RPL28: variants seen among roughly 807,000 people sequenced by gnomAD.
The protein encoded by RPL28 is ribosomal protein L28, also known as large ribosomal subunit protein eL28.
A neutral mutation model predicts 12.5 loss-of-function variants in RPL28; 4 were observed. The observed-to-expected ratio is 0.32, with a 90% CI of 0.16 to 0.73. The LOEUF (loss-of-function observed/expected upper bound fraction) is 0.73, where lower values mean the gene tolerates loss of function less well. RPL28 is among the 30% of genes least tolerant of loss of function. The pLI is 0.66. For synonymous variants in RPL28, 91 were observed against 72.5 expected (o/e 1.26, Z -1.30); for missense variants, 214 against 197.7 (o/e 1.08, Z -0.49).
At chr19:55,386,931 C>T (rs1600301295) in intron 3 of RPL28, 1 of 1,475,104 alleles carries the variant, frequency 6.8e-7, no homozygotes, top group South Asian at 1.3e-5. Context: ...CCTGAACTTC[C>T]TCGGTGGTTG....
At chr19:55,386,287 C>T (rs2089923653) in intron 1 of RPL28, 63 bp from the exon 2 acceptor site, 3 of 1,486,628 alleles carry the variant, frequency 2.0e-6, no homozygotes, top group South Asian at 1.2e-5. Flanking sequence ...GAGCGTGGCC[C>T]GTGGCCTAAC....
chr19:55,390,641 C>G lies in RPL28; in HGVS notation c.*2309C>G. 2 of 985,606 alleles carry G rather than the reference C, an allele frequency of 2.0e-6. No homozygotes were observed. The highest frequency in any genetic ancestry group is 2.4e-6 in the Non-Finnish European group (2 of 830,044). The allele number at this position is 985,606 out of a possible 1,614,324, so 61.1% of individuals were successfully genotyped here. A position where few individuals can be genotyped will look rare whatever the true frequency, so the allele number is the denominator to read the frequency against. Reference sequence around the variant, plus strand: ...CTGAATCCTCCCTGCTGTGTGGCCTCCCCTGGTCTCATCCGTAACACAGCC... The same window carrying G: ...CTGAATCCTCCCTGCTGTGTGGCCTGCCCTGGTCTCATCCGTAACACAGCC... On this transcript the variant is annotated 3_prime_UTR_variant, in exon 5 of 5. Transcript: ENST00000344063.
Position 55,387,979 on chromosome 19 carries a change from T to C in RPL28, c.255T>C (p.Asn85=). The change falls in exon 4 of 5, where the codon AAT becomes AAC. Residue 85 remains asparagine (N), a synonymous_variant. Coordinates refer to ENST00000344063, the MANE Select transcript of RPL28 (RefSeq NM_000991.5). The part of the protein sequence containing the change: ...TSYVRTTINK[N]ARATLSSIRH... ...ATGTGCGGACCACCATCAACAAGAATGCTCGCGCCACGCTCAGCAGCATCA... is the reference window on the plus strand; with the variant it reads ...ATGTGCGGACCACCATCAACAAGAACGCTCGCGCCACGCTCAGCAGCATCA... The C allele has an allele frequency of 1.9e-6, 3 of 1,608,888 alleles. No individual in the cohort carries two copies. Among genetic ancestry groups the C allele is most frequent in the Non-Finnish European group, 2.5e-6 (3 of 1,177,610 alleles).
chr19:55,400,315 C>T (rs545086505), intron 4 of RPL28: 5 of 152,154 alleles, frequency 3.3e-5, no homozygotes, highest in Non-Finnish European at 7.3e-5. Context: ...TTGCGCCTGG[C>T]CTATTTTTAA....
chr19:55,389,789 G>C lies in RPL28; in HGVS notation c.*1457G>C, dbSNP rs1013818259. The C allele has an allele frequency of 2.0e-6, 2 of 985,370 alleles. No individual in the cohort carries two copies. Among genetic ancestry groups the C allele is most frequent in the African/African-American group, 3.5e-5 (2 of 57,206 alleles). The allele number at this position is 985,370 out of a possible 1,614,324, so 61.0% of individuals were successfully genotyped here. A position where few individuals can be genotyped will look rare whatever the true frequency, so the allele number is the denominator to read the frequency against. On this transcript the variant is annotated 3_prime_UTR_variant, in exon 5 of 5. Coordinates refer to ENST00000344063, the MANE Select transcript of RPL28 (RefSeq NM_000991.5). ...TTGAGAGGTGTTGCCTTAAAACTGAGTTGGGTGACTTGGTACCTGCTCAGG... is the reference window on the plus strand; with the variant it reads ...TTGAGAGGTGTTGCCTTAAAACTGACTTGGGTGACTTGGTACCTGCTCAGG...
In RPL28 at chr19:55,391,725, G is replaced by T; in HGVS notation, c.*3393G>T. ...AAATGTGCAAAACCTGCTTGACTGTGCCCACAAATCCTGATTGTAGGAATA... is the reference window on the plus strand; with the variant it reads ...AAATGTGCAAAACCTGCTTGACTGTTCCCACAAATCCTGATTGTAGGAATA... On this transcript the variant is annotated 3_prime_UTR_variant, in exon 5 of 5. Coordinates refer to ENST00000344063, the MANE Select transcript of RPL28 (RefSeq NM_000991.5). 4 of 1,514,508 alleles carry T rather than the reference G, an allele frequency of 2.6e-6. No homozygotes were observed. The highest frequency in any genetic ancestry group is 3.6e-6 in the Non-Finnish European group (4 of 1,118,780). The allele number at this position is 1,514,508 out of a possible 1,614,324, so 93.8% of individuals were successfully genotyped here. A position where few individuals can be genotyped will look rare whatever the true frequency, so the allele number is the denominator to read the frequency against.
At position 55,386,448 on chromosome 19, in the gene RPL28, G is replaced by T; in HGVS notation, c.81+10G>T. On this transcript the variant is annotated intron_variant, in intron 2 of 4. Transcript: ENST00000344063. The stretch of plus-strand genomic sequence containing the variant: ...GCAGACCTACAGCACTGTAAGTGGG[G>T]CCCGGATGCGTGGCTCCTGCGGGAG... 1 of 1,613,506 alleles carries T rather than the reference G, an allele frequency of 6.2e-7. No homozygotes were observed. The highest frequency in any genetic ancestry group is 8.5e-7 in the Non-Finnish European group (1 of 1,179,488).
chr19:55,388,366 C>T lies in RPL28; in HGVS notation c.*34C>T. 1.4e-6 allele frequency: 2 copies of T among 1,454,580 alleles called. No homozygotes were observed. The highest frequency in any genetic ancestry group is 2.9e-5 in the Admixed American group (1 of 34,916). 90.1% of individuals were successfully genotyped at this position (1,454,580 alleles called of 1,614,324 possible). ...CCCCCAGAGCAATAAAGTCAGCTGG[C>T]TTTCTCACCTGCCTCGACTGGGCCT... On this transcript the variant is annotated 3_prime_UTR_variant, in exon 5 of 5. Coordinates refer to ENST00000344063, the MANE Select transcript of RPL28 (RefSeq NM_000991.5).
chr19:55,401,103 T>C, intron 4 of RPL28: 2 of 364,410 alleles, frequency 5.5e-6, no homozygotes, highest in East Asian at 1.1e-4. Flanking sequence ...GTGACCGCTC[T>C]ACCTCCACAG....
Position 55,387,250 on chromosome 19 carries a change from CAT to C in RPL28, c.205+558_205+559del, listed in dbSNP as rs1319831146. Reference sequence around the variant, plus strand: ...TCTCTAATGGAGGAGTCCAGCTTCACATGTGTTCTTGACAGGGCTGTATTTTC... The same window carrying C: ...TCTCTAATGGAGGAGTCCAGCTTCACGTGTTCTTGACAGGGCTGTATTTTC... On this transcript the variant is annotated intron_variant, in intron 3 of 4. Transcript: ENST00000344063. The C allele has an allele frequency of 2.2e-5, 34 of 1,541,084 alleles. No individual in the cohort carries two copies. The African/African-American group carries it at 4.1e-4, about 19-fold the overall frequency.
Position 55,391,512 on chromosome 19 carries a change from A to G in RPL28, c.*3180A>G. ...GAGCGCTGGGGACTCCAGACTCCCC[A>G]CAGCAGCAGAGACTCGGGACTGAGG... On this transcript the variant is annotated 3_prime_UTR_variant, in exon 5 of 5. Transcript: ENST00000344063. 1.4e-6 allele frequency: 2 copies of G among 1,465,920 alleles called. No individual in the cohort carries two copies. Among genetic ancestry groups the G allele is most frequent in the Non-Finnish European group, 1.8e-6 (2 of 1,094,746 alleles). 90.8% of individuals were successfully genotyped at this position (1,465,920 alleles called of 1,614,324 possible). A position where few individuals can be genotyped will look rare whatever the true frequency, so the allele number is the denominator to read the frequency against.
Position 55,401,157 on chromosome 19 carries a change from C to T in RPL28, c.325-1786C>T, listed in dbSNP as rs1600316966. The T allele has an allele frequency of 5.9e-6, 3 of 504,888 alleles. No homozygotes were observed. The East Asian group carries it at 1.1e-4, about 18-fold the overall frequency. 31.3% of individuals were successfully genotyped at this position (504,888 alleles called of 1,614,324 possible). On this transcript the variant is annotated intron_variant, in intron 4 of 4. Transcript: ENST00000560055. ...AACCTCAAACAGCAAGGCTGGTGAG[C>T]TAGATGGACCCACTGCTGCAGTCCA...
intron 3 of RPL28, chr19:55,387,121 C>A: frequency 1.5e-6 from 2 of 1,329,810 alleles, no homozygotes; most frequent in Non-Finnish European, 2.1e-6. Context: ...TCCCATTTTG[C>A]CTGTGTAGGT....
chr19:55,403,156 T>C (rs1204168588), exon 5 of RPL28: 2 of 717,148 alleles, frequency 2.8e-6, no homozygotes, highest in Admixed American at 2.0e-5. Flanking sequence ...CTCCTGACAA[T>C]GCATAATACC....
Position 55,385,970 on chromosome 19 carries a change from G to A in RPL28, c.-9+5G>A, listed in dbSNP as rs988395334. 7.7e-6 allele frequency: 2 copies of A among 259,932 alleles called. No homozygotes were observed. The highest frequency in any genetic ancestry group is 8.3e-5 in the South Asian group (2 of 24,190). 16.1% of individuals were successfully genotyped at this position (259,932 alleles called of 1,614,324 possible). A position where few individuals can be genotyped will look rare whatever the true frequency, so the allele number is the denominator to read the frequency against. ...AGGTCGCCGCTGCGAAGGGAGGTGA[G>A]CGTTCGTCTTCCTCGCGTGGTCGCC... On this transcript the variant is annotated splice_donor_5th_base_variant and intron_variant, in intron 1 of 4. Transcript: ENST00000344063.
rs138042141 is a variant in RPL28, at chr19:55,388,601, C to T, written c.*269C>T. 1 of 1,232,556 alleles carries T rather than the reference C, an allele frequency of 8.1e-7. No homozygotes were observed. Among genetic ancestry groups the T allele is most frequent in the Admixed American group, 4.2e-5 (1 of 23,744 alleles). The allele number at this position is 1,232,556 out of a possible 1,614,324, so 76.4% of individuals were successfully genotyped here. A position where few individuals can be genotyped will look rare whatever the true frequency, so the allele number is the denominator to read the frequency against. On this transcript the variant is annotated 3_prime_UTR_variant, in exon 5 of 5. Transcript: ENST00000344063. ...CTGACTTGTGATTGAGACCTACTGTCCCATTGTGAGGTGGCCTGAAGAATC... is the reference window on the plus strand; with the variant it reads ...CTGACTTGTGATTGAGACCTACTGTTCCATTGTGAGGTGGCCTGAAGAATC...
intron 4 of RPL28, among the ~76,000 whole-genome samples, chr19:55,402,398 G>A (rs752993569): frequency 7.9e-5 from 12 of 152,210 alleles, no homozygotes; most frequent in Admixed American, 1.3e-4. Context: ...GGTGCACTTC[G>A]AGGGTGGTCC....
At chr19:55,398,065 ACACGC>A (rs1260533820) in intron 4 of RPL28, among the ~76,000 whole-genome samples, 1 of 151,996 alleles carries the variant, frequency 6.6e-6, no homozygotes, top group East Asian at 1.9e-4. Flanking sequence ...GCTTGGTGGC[ACACGC>A]CTGTAATCCC....
chr19:55,387,030 G>C (rs2089937490), intron 3 of RPL28: 6 of 1,442,770 alleles, frequency 4.2e-6, no homozygotes, highest in Non-Finnish European at 5.4e-6. Flanking sequence ...CCACAGGTGG[G>C]AAGATTGAGG....
Sources: gnomAD v4.1 joint callset for allele counts (sites outside exome capture counted in the v4.1 genomes callset) on GRCh38, gnomAD v4.1.1 for gene constraint, MANE v1.5 for transcripts, NCBI Gene and HGNC (gene_info 2026-07-23, HGNC 2026-07-21) for gene names.